Variants in NRXN3 observed in about 807,000 individuals in gnomAD.
NRXN3 encodes neurexin 3, also known as neurexin III.
A neutral mutation model predicts 137.6 loss-of-function variants in NRXN3; 32 were observed. The observed-to-expected ratio is 0.23, with a 90% CI of 0.18 to 0.31. The LOEUF is 0.31. NRXN3 is among the 10% of genes least tolerant of loss of function. The pLI is 1.00. For missense variants in NRXN3, 1,574 were observed against 2,062.5 expected, an observed-to-expected ratio of 0.76 and a Z score of 4.59; for synonymous variants, 798 against 784.5, an observed-to-expected ratio of 1.02 and a Z score of -0.29.
At chr14:78,714,243 A>G (rs1485716985) in intron 7 of NRXN3, among the ~76,000 whole-genome samples, 2 of 152,178 alleles carry the variant, frequency 1.3e-5, no homozygotes, top group African/African-American at 4.8e-5. Context: ...CTTGAAGAAA[A>G]CTCAGGCAAA....
At chr14:78,546,042 C>T (rs1312723882) in intron 4 of NRXN3, among the ~76,000 whole-genome samples, 1 of 152,118 alleles carries the variant, frequency 6.6e-6, no homozygotes, top group Non-Finnish European at 1.5e-5. Flanking sequence ...CAATAAATAT[C>T]ATTGTGTATT....
chr14:79,101,178 G>A (rs1459979139), intron 15 of NRXN3, among the ~76,000 whole-genome samples: 2 of 152,238 alleles, frequency 1.3e-5, no homozygotes, highest in East Asian at 1.9e-4. Flanking sequence ...GAGCCATGTC[G>A]AAAAGGAGGG....
At chr14:79,011,079 C>G (rs557040887) in intron 15 of NRXN3, among the ~76,000 whole-genome samples, 1 of 151,246 alleles carries the variant, frequency 6.6e-6, no homozygotes, top group African/African-American at 2.5e-5. Context: ...GGTGCGCAAC[C>G]CACACGTCTC....
chr14:78,889,170 C>T (rs977289492), intron 10 of NRXN3, among the ~76,000 whole-genome samples: 3 of 151,908 alleles, frequency 2.0e-5, no homozygotes, highest in Non-Finnish European at 4.4e-5. Flanking sequence ...CATCATCATT[C>T]CATTTCTTAT....
At chr14:78,202,260 T>C (rs1032848283) in intron 1 of NRXN3, among the ~76,000 whole-genome samples, 6 of 152,222 alleles carry the variant, frequency 3.9e-5, no homozygotes, top group Admixed American at 3.3e-4. Flanking sequence ...CACCTGTTCT[T>C]GTCTGCAGTC....
chr14:78,952,016 G>A (rs921936734), intron 10 of NRXN3, among the ~76,000 whole-genome samples: 2 of 152,108 alleles, frequency 1.3e-5, no homozygotes, highest in African/African-American at 4.8e-5. Context: ...AGGGGCTCCT[G>A]GAGGGTGCTC....
intron 4 of NRXN3, among the ~76,000 whole-genome samples, chr14:78,370,690 T>G (rs2086676450): frequency 6.6e-6 from 1 of 152,222 alleles, no homozygotes. Flanking sequence ...ATATTGTTAT[T>G]GCCATACTAA....
intron 4 of NRXN3, among the ~76,000 whole-genome samples, chr14:78,591,735 T>C (rs966021857): frequency 6.6e-6 from 1 of 152,218 alleles, no homozygotes; most frequent in African/African-American, 2.4e-5. Context: ...TTTGACCAGC[T>C]TCTACCCAGT....
At chr14:78,175,493 GGTC>G (rs1566902670) in intron 1 of NRXN3, among the ~76,000 whole-genome samples, 1 of 152,204 alleles carries the variant, frequency 6.6e-6, no homozygotes, top group East Asian at 1.9e-4. Context: ...GCTGGCCCGT[GGTC>G]GGCTGTGGTC....
At chr14:79,703,671 C>T (rs140794751) in intron 19 of NRXN3, among the ~76,000 whole-genome samples, 1,654 of 152,010 alleles carry the variant, frequency 0.011, 19 homozygotes, top group Middle Eastern at 0.024. Flanking sequence ...CCTCCCTCTA[C>T]ATGTGCGGAT....
intron 10 of NRXN3, among the ~76,000 whole-genome samples, chr14:78,889,767 G>C (rs999102465): frequency 3.3e-5 from 5 of 151,960 alleles, no homozygotes; most frequent in African/African-American, 9.7e-5. Context: ...GCAAGTGTGG[G>C]AGGTAGATAG....
At chr14:79,760,421 C>CTT (rs36098809) in intron 19 of NRXN3, among the ~76,000 whole-genome samples, 25 of 138,306 alleles carry the variant, frequency 1.8e-4, no homozygotes, top group African/African-American at 6.5e-4. Flanking sequence ...ATAACTTAAC[C>CTT]TTTTTTTTTT....
At chr14:79,803,904 T>C (rs955639845) in intron 19 of NRXN3, among the ~76,000 whole-genome samples, 5 of 140,418 alleles carry the variant, frequency 3.6e-5, no homozygotes, top group Non-Finnish European at 6.1e-5. Flanking sequence ...TGTGTGTATA[T>C]ATATATATGT....
chr14:79,642,549 A>C (rs1257280684), intron 16 of NRXN3, among the ~76,000 whole-genome samples: 1 of 133,896 alleles, frequency 7.5e-6, no homozygotes, highest in East Asian at 2.0e-4. Flanking sequence ...CTTTTTTTTT[A>C]ATTCAAGCCA....
chr14:78,291,317 G>A (rs147916331), intron 3 of NRXN3, among the ~76,000 whole-genome samples: 3 of 152,294 alleles, frequency 2.0e-5, no homozygotes, highest in South Asian at 2.1e-4. Context: ...CCATAGAGCT[G>A]TATTTAATGA....
At chr14:79,308,937 T>G (rs2086671234) in intron 15 of NRXN3, among the ~76,000 whole-genome samples, 1 of 146,756 alleles carries the variant, frequency 6.8e-6, no homozygotes, top group African/African-American at 2.5e-5. Context: ...TTTTTAATTT[T>G]TTTTTTATTA....
At chr14:79,603,227 G>T (rs1034527392) in intron 16 of NRXN3, among the ~76,000 whole-genome samples, 11 of 114,426 alleles carry the variant, frequency 9.6e-5, no homozygotes, top group South Asian at 2.5e-4. Context: ...AGACTGTCAG[G>T]TTACTCCATT....
At chr14:79,194,773 A>G (rs933153656) in intron 15 of NRXN3, among the ~76,000 whole-genome samples, 6 of 152,132 alleles carry the variant, frequency 3.9e-5, no homozygotes, top group Non-Finnish European at 7.4e-5. Context: ...GTCTTCTTAC[A>G]CCTTCAGATC....
intron 15 of NRXN3, among the ~76,000 whole-genome samples, chr14:79,216,549 T>C (rs547116164): frequency 6.6e-6 from 1 of 152,344 alleles, no homozygotes; most frequent in East Asian, 1.9e-4. Flanking sequence ...TGTTTGGTCA[T>C]CTTATAAAAG....
Sources: allele counts gnomAD v4.1 joint callset (sites outside exome capture counted in the v4.1 genomes callset), GRCh38; gene constraint gnomAD v4.1.1; transcripts MANE v1.5; gene names NCBI Gene and HGNC (gene_info 2026-07-23, HGNC 2026-07-21).